Variants in CMTM6 observed in about 807,000 individuals in gnomAD.
CMTM6 encodes the protein CKLF like MARVEL transmembrane domain containing 6.
In CMTM6, 5 loss-of-function variants were observed where a neutral mutation model predicts 13.6. The observed-to-expected ratio is 0.37, with a 90% confidence interval of 0.19 to 0.77. The LOEUF (loss-of-function observed/expected upper bound fraction) is 0.77, where lower values mean the gene tolerates loss of function less well. CMTM6 is among the 30% of genes least tolerant of loss of function. The pLI, the probability that CMTM6 is intolerant of heterozygous loss-of-function variation, is 0.50. For missense variants in CMTM6, 196 were observed against 218.6 expected (o/e 0.90, Z 0.65); for synonymous variants, 99 against 84.5 (o/e 1.17, Z -0.94).
chr3:32,491,819 T>G lies in CMTM6; in HGVS notation c.206A>C (p.Tyr69Ser). The G allele has an allele frequency of 6.2e-7, 1 of 1,613,824 alleles. No individual in the cohort carries two copies. The highest frequency in any genetic ancestry group is 8.5e-7 in the Non-Finnish European group (1 of 1,179,888). Residue 69 changes from tyrosine to serine, a missense_variant, in exon 2 of 4, where the codon TAT becomes TCT. Coordinates refer to ENST00000205636, the MANE Select transcript of CMTM6 (RefSeq NM_017801.3). ...VSQCTLCGGL[Y>S]FFEFVSCSAF... is the part of the protein sequence containing the mutation. Reference sequence around the variant, plus strand: ...ACTGCAGCTTACAAACTCAAAAAAATAAAGTCCTCCACATAAAGTACATTG... The same window carrying G: ...ACTGCAGCTTACAAACTCAAAAAAAGAAAGTCCTCCACATAAAGTACATTG...
At chr3:32,500,018 T>C (rs755498030) in intron 1 of CMTM6, among the ~76,000 whole-genome samples, 5 of 152,364 alleles carry the variant, frequency 3.3e-5, no homozygotes, top group Non-Finnish European at 7.3e-5. Context: ...TTTTAAGTTT[T>C]AGAGCAGGCT....
In CMTM6 at chr3:32,481,329, G is replaced by T. The variant is rs1697150239; in HGVS notation, c.*2631C>A. On this transcript the variant is annotated 3_prime_UTR_variant, in exon 4 of 4. Coordinates refer to ENST00000205636, the MANE Select transcript of CMTM6 (RefSeq NM_017801.3). ...AAGGTAAGAACGTTTTAATTAAATG[G>T]ATTTATTTAAAAAGACTATAAAATC... The T allele has an allele frequency of 6.6e-6, 1 of 150,516 alleles. No homozygotes were observed. Among genetic ancestry groups the T allele is most frequent in the African/African-American group, 2.4e-5 (1 of 40,852 alleles). The allele number at this position is 150,516 out of a possible 1,614,324, so 9.3% of individuals were successfully genotyped here. A position where few individuals can be genotyped will look rare whatever the true frequency, so the allele number is the denominator to read the frequency against.
intron 2 of CMTM6, among the ~76,000 whole-genome samples, chr3:32,488,699 T>G (rs1264183391): frequency 6.6e-6 from 1 of 152,196 alleles, no homozygotes; most frequent in Non-Finnish European, 1.5e-5. Flanking sequence ...CTGTTCCAAG[T>G]GGGTAATCTA....
intron 3 of CMTM6, among the ~76,000 whole-genome samples, chr3:32,486,088 A>G (rs1206121594): frequency 6.6e-6 from 1 of 152,150 alleles, no homozygotes; most frequent in Admixed American, 6.5e-5. Flanking sequence ...ATATTGGCCA[A>G]GCTGGTCTCA....
chr3:32,484,213 C>A, intron 3 of CMTM6, 116 bp from the exon 4 acceptor site: 1 of 942,426 alleles, frequency 1.1e-6, no homozygotes, highest in East Asian at 2.8e-5. Context: ...TTATCTTATA[C>A]ACGACTACTC....
chr3:32,482,744 A>G lies in CMTM6; in HGVS notation c.*1216T>C, dbSNP rs1486372488. 2 of 146,086 alleles carry G rather than the reference A, an allele frequency of 1.4e-5. No homozygotes were observed. Among genetic ancestry groups the G allele is most frequent in the Non-Finnish European group, 3.0e-5 (2 of 66,976 alleles). The allele number at this position is 146,086 out of a possible 1,614,324, so 9.0% of individuals were successfully genotyped here. A position where few individuals can be genotyped will look rare whatever the true frequency, so the allele number is the denominator to read the frequency against. ...TTTTTTTTTTTTTTTTTTGCCAAAG[A>G]CAAACTAGAGCAATGCCTATGTAAG... On this transcript the variant is annotated 3_prime_UTR_variant, in exon 4 of 4. Transcript: ENST00000205636.
At chr3:32,500,426 A>G (rs985575185) in intron 1 of CMTM6, among the ~76,000 whole-genome samples, 1 of 152,236 alleles carries the variant, frequency 6.6e-6, no homozygotes, top group African/African-American at 2.4e-5. Context: ...CAAACAAAGG[A>G]ACAAAAAGAC....
At position 32,482,707 on chromosome 3, in the gene CMTM6, G is replaced by A. The variant is rs1312322821; in HGVS notation, c.*1253C>T. ...AGTATTAGTCTGGGCAGGGTTCCCT[G>A]GATATTTACTTTTTTTTTTTTTTTT... On this transcript the variant is annotated 3_prime_UTR_variant, in exon 4 of 4. Coordinates refer to ENST00000205636, the MANE Select transcript of CMTM6 (RefSeq NM_017801.3). 3 of 144,280 alleles carry A rather than the reference G, an allele frequency of 2.1e-5. No homozygotes were observed. Among genetic ancestry groups the A allele is most frequent in the African/African-American group, 8.0e-5 (3 of 37,508 alleles). 8.9% of individuals were successfully genotyped at this position (144,280 alleles called of 1,614,324 possible).
chr3:32,499,174 G>C (rs1697324411), intron 1 of CMTM6, among the ~76,000 whole-genome samples: 1 of 152,166 alleles, frequency 6.6e-6, no homozygotes, highest in East Asian at 1.9e-4. Context: ...CAAAGGTTCA[G>C]ATATAATTTG....
At chr3:32,502,527 C>A in intron 1 of CMTM6, 81 bp downstream of exon 1, 1 of 1,511,776 alleles carries the variant, frequency 6.6e-7, no homozygotes, top group Non-Finnish European at 8.9e-7. Flanking sequence ...CAAGCTGAAA[C>A]GAAGGAGCTC....
rs747614297 is a variant in CMTM6 at position 32,502,697 on chromosome 3, G to A, written c.49C>T (p.Pro17Ser). The change falls in exon 1 of 4, where the codon CCC (proline) becomes TCC (serine). Residue 17 changes from proline (P) to serine (S), a missense_variant. This residue lies in a region of CMTM6 where 85 missense variants were observed against 58.7 expected (regional missense o/e 1.45). Transcript: ENST00000205636. ...YSPTTEEDPG[P>S]ARGPRSGLAA... ...AGGCCGCTCCGGGGGCCTCTGGCGG[G>A]GCCCGGGTCCTCCTCCGTAGTGGGG... 1.3e-6 allele frequency: 2 copies of A among 1,585,308 alleles called. No homozygotes were observed. Among genetic ancestry groups the A allele is most frequent in the South Asian group, 2.3e-5 (2 of 87,472 alleles).
intron 3 of CMTM6, among the ~76,000 whole-genome samples, chr3:32,486,905 A>G (rs1277430583): frequency 6.6e-6 from 1 of 152,156 alleles, no homozygotes; most frequent in East Asian, 1.9e-4. Context: ...CTGGCCATGT[A>G]AGATGTGCCT....
At position 32,502,752 on chromosome 3, in the gene CMTM6, G is replaced by T; in HGVS notation, c.-7C>A. The T allele has an allele frequency of 7.0e-7, 1 of 1,430,204 alleles. No individual in the cohort carries two copies. The highest frequency in any genetic ancestry group is 9.2e-7 in the Non-Finnish European group (1 of 1,091,562). 88.6% of individuals were successfully genotyped at this position (1,430,204 alleles called of 1,614,324 possible). On this transcript the variant is annotated 5_prime_UTR_variant, in exon 1 of 4. Coordinates refer to ENST00000205636, the MANE Select transcript of CMTM6 (RefSeq NM_017801.3). ...ACACCGCTCCGTTCTCCATCGCCTC[G>T]GGCCGGGGAGCGCGGCGGCCGCAGC... is the stretch of plus-strand genomic sequence containing the variant.
At position 32,490,680 on chromosome 3, in the gene CMTM6, C is replaced by T. The variant is rs1433194441; in HGVS notation, c.315+1030G>A. 3.3e-5 allele frequency among the ~76,000 whole-genome samples: 5 copies of T among 152,060 alleles called. No individual in the cohort carries two copies. The East Asian group carries it at 9.7e-4, about 29-fold the overall frequency. ...ACTACACTGGACAATATTATAATAC[C>T]ATTTCTTGTCAAAATGATCAGTGTG... On this transcript the variant is annotated intron_variant, in intron 2 of 3. Transcript: ENST00000205636.
chr3:32,498,216 G>A (rs1217638579), intron 1 of CMTM6, among the ~76,000 whole-genome samples: 1 of 152,138 alleles, frequency 6.6e-6, no homozygotes, highest in Non-Finnish European at 1.5e-5. Flanking sequence ...AGCGGATATA[G>A]TCTCCCACTC....
At chr3:32,484,386 TTA>T (rs1697184426) in intron 3 of CMTM6, among the ~76,000 whole-genome samples, 1 of 152,126 alleles carries the variant, frequency 6.6e-6, no homozygotes, top group Non-Finnish European at 1.5e-5. Context: ...GAAAGTAGGG[TTA>T]ACAGATAAAC....
At chr3:32,495,013 T>C (rs1190829446) in intron 1 of CMTM6, among the ~76,000 whole-genome samples, 1 of 147,168 alleles carries the variant, frequency 6.8e-6, no homozygotes, top group African/African-American at 2.6e-5. Flanking sequence ...TCCCTGTACT[T>C]TTTTTTTTTG....
chr3:32,499,900 GAAA>G, intron 1 of CMTM6, among the ~76,000 whole-genome samples: 1 of 122,052 alleles, frequency 8.2e-6, no homozygotes, highest in African/African-American at 3.1e-5. Flanking sequence ...TCAGAGGTTT[GAAA>G]AAAAAAAAAA....
At chr3:32,491,062 A>G (rs1306117778) in intron 2 of CMTM6, among the ~76,000 whole-genome samples, 1 of 152,370 alleles carries the variant, frequency 6.6e-6, no homozygotes, top group South Asian at 2.1e-4. Context: ...TGTCATTGTC[A>G]TAGAAATTCC....
Sources: allele counts gnomAD v4.1 joint callset (sites outside exome capture counted in the v4.1 genomes callset), GRCh38; gene constraint gnomAD v4.1.1; regional missense constraint gnomAD v4.1.1; transcripts MANE v1.5; gene names NCBI Gene and HGNC (gene_info 2026-07-23, HGNC 2026-07-21).